Variants in MARCHF1 observed in about 807,000 individuals in gnomAD.
MARCHF1 encodes membrane associated ring-CH-type finger 1.
In MARCHF1, 40 loss-of-function variants were observed where a neutral mutation model predicts 54.2. The observed-to-expected ratio is 0.74, with a 90% CI of 0.57 to 0.96. The LOEUF (loss-of-function observed/expected upper bound fraction) is 0.96. Ranked by LOEUF, MARCHF1 falls within the 40% of genes least tolerant of loss-of-function variation. The probability of loss-of-function intolerance (pLI) is 0.00; values close to 1 mark genes in which losing one functional copy is unlikely to be tolerated. For missense variants in MARCHF1, 586 were observed against 656.5 expected (o/e 0.89, Z 1.17); for synonymous variants, 236 against 236.3 (o/e 1.00, Z 0.01).
At chr4:164,365,919 C>T (rs1174975666) in intron 1 of MARCHF1, among the ~76,000 whole-genome samples, 1 of 151,986 alleles carries the variant, frequency 6.6e-6, no homozygotes, top group Non-Finnish European at 1.5e-5. Flanking sequence ...CTCCTCCTAT[C>T]CTTCACTTCA....
At chr4:163,644,656 C>T (rs146588125) in intron 5 of MARCHF1, among the ~76,000 whole-genome samples, 2,448 of 152,246 alleles carry the variant, frequency 0.016, 78 homozygotes, top group African/African-American at 0.051. Context: ...CATGTTCCCA[C>T]AGGCAGGCCA....
chr4:163,977,467 C>T (rs1434521168), intron 3 of MARCHF1, among the ~76,000 whole-genome samples: 1 of 152,098 alleles, frequency 6.6e-6, no homozygotes, highest in East Asian at 1.9e-4. Context: ...TACATAAGCC[C>T]CTCAATGATA....
At chr4:163,978,918 G>T (rs1396261857) in intron 3 of MARCHF1, among the ~76,000 whole-genome samples, 1 of 151,522 alleles carries the variant, frequency 6.6e-6, no homozygotes, top group Non-Finnish European at 1.5e-5. Flanking sequence ...ATATAGACAG[G>T]GTATCATTAT....
In MARCHF1 at chr4:164,256,154, G is replaced by A. The variant is rs112874200; in HGVS notation, c.-323+127716C>T. 7.9e-3 allele frequency among the ~76,000 whole-genome samples: 1,205 copies of A among 151,682 alleles called. 19 individuals carry two copies. The highest frequency in any genetic ancestry group is 0.011 in the Non-Finnish European group (736 of 67,840). ...AAAAATAAAAATAAAAGAAAAATAC[G>A]TTTAAATTGTATCATAAAAGTCACT... On this transcript the variant is annotated intron_variant, in intron 1 of 9. Coordinates refer to ENST00000514618, the MANE Select transcript of MARCHF1 (RefSeq NM_001394959.1).
At chr4:164,008,019 A>G (rs1021660170) in intron 2 of MARCHF1, among the ~76,000 whole-genome samples, 1 of 152,140 alleles carries the variant, frequency 6.6e-6, no homozygotes, top group African/African-American at 2.4e-5. Flanking sequence ...TCAATTCTCC[A>G]ATTAAAAGGC....
chr4:163,948,831 A>G (rs1174245932), intron 3 of MARCHF1, among the ~76,000 whole-genome samples: 1 of 152,238 alleles, frequency 6.6e-6, no homozygotes, highest in Non-Finnish European at 1.5e-5. Flanking sequence ...TTAGCAATAA[A>G]GTGAATAAAA....
At chr4:164,370,995 A>T (rs1024880710) in intron 1 of MARCHF1, among the ~76,000 whole-genome samples, 31 of 152,148 alleles carry the variant, frequency 2.0e-4, no homozygotes, top group Non-Finnish European at 4.1e-4. Context: ...AATTTTAAAG[A>T]ATGAGAATGA....
chr4:163,619,407 T>C (rs1741608619), intron 5 of MARCHF1, among the ~76,000 whole-genome samples: 1 of 152,140 alleles, frequency 6.6e-6, no homozygotes, highest in Non-Finnish European at 1.5e-5. Flanking sequence ...GTAAAAATAA[T>C]TTGAAAGATC....
intron 1 of MARCHF1, among the ~76,000 whole-genome samples, chr4:164,279,267 A>G (rs943625330): frequency 5.3e-5 from 8 of 151,624 alleles, no homozygotes; most frequent in African/African-American, 1.7e-4. Flanking sequence ...TAAACAGATT[A>G]TATGGAGGAT....
At chr4:163,717,779 G>C (rs1369079840) in intron 4 of MARCHF1, among the ~76,000 whole-genome samples, 2 of 152,070 alleles carry the variant, frequency 1.3e-5, no homozygotes, top group Admixed American at 6.6e-5. Context: ...GTGTCTGTTG[G>C]CTGCATAAAT....
intron 2 of MARCHF1, among the ~76,000 whole-genome samples, chr4:164,037,993 G>A (rs1754045283): frequency 6.6e-6 from 1 of 152,152 alleles, no homozygotes; most frequent in African/African-American, 2.4e-5. Flanking sequence ...TGGTGGGAAA[G>A]AAATGGGTGT....
intron 2 of MARCHF1, among the ~76,000 whole-genome samples, chr4:164,066,577 T>C (rs1021341278): frequency 7.2e-5 from 11 of 152,216 alleles, no homozygotes; most frequent in Non-Finnish European, 5.9e-5. Flanking sequence ...TGCATGTTCA[T>C]TGAAGCACTA....
chr4:163,646,785 C>A lies in MARCHF1; in HGVS notation c.163-33392G>T, dbSNP rs549978402. 3.3e-5 allele frequency among the ~76,000 whole-genome samples: 5 copies of A among 151,828 alleles called. No individual in the cohort carries two copies. The East Asian group carries it at 9.7e-4, about 29-fold the overall frequency. The stretch of plus-strand genomic sequence containing the variant: ...GCAGATACACAAAAGATAAAGGGAC[C>A]AAAACATGCCGCTGCAAAAAATTAT... On this transcript the variant is annotated intron_variant, in intron 5 of 9. Coordinates refer to ENST00000514618, the MANE Select transcript of MARCHF1 (RefSeq NM_001394959.1).
Position 163,569,596 on chromosome 4 carries a change from C to T in MARCHF1, c.1191+16153G>A, listed in dbSNP as rs535950394. 1.3e-3 allele frequency among the ~76,000 whole-genome samples: 194 copies of T among 152,154 alleles called. 3 individuals carry two copies. The highest frequency in any genetic ancestry group is 4.5e-3 in the African/African-American group (185 of 41,492). ...CTAAGGGGGTACATACTCTTATTAT[C>T]CCCGTTTACGCAGGAGGAAATGGAG... On this transcript the variant is annotated intron_variant, in intron 8 of 9. Coordinates refer to ENST00000514618, the MANE Select transcript of MARCHF1 (RefSeq NM_001394959.1).
intron 1 of MARCHF1, among the ~76,000 whole-genome samples, chr4:164,175,310 G>A (rs918347499): frequency 6.6e-6 from 1 of 152,088 alleles, no homozygotes; most frequent in Non-Finnish European, 1.5e-5. Flanking sequence ...AGCCTTCAGG[G>A]TATAAATCTA....
chr4:164,073,176 G>A (rs1754905615), intron 2 of MARCHF1, among the ~76,000 whole-genome samples: 1 of 152,176 alleles, frequency 6.6e-6, no homozygotes, highest in South Asian at 2.1e-4. Flanking sequence ...TTGATGAACA[G>A]GCAGATGAGT....
intron 7 of MARCHF1, among the ~76,000 whole-genome samples, chr4:163,606,142 G>C (rs10005692): frequency 6.6e-6 from 1 of 152,104 alleles, no homozygotes; most frequent in African/African-American, 2.4e-5. Context: ...TCCAACCTAA[G>C]CTGGAGCTAG....
chr4:163,923,194 C>T (rs1220078120), intron 3 of MARCHF1, among the ~76,000 whole-genome samples: 1 of 152,148 alleles, frequency 6.6e-6, no homozygotes, highest in Non-Finnish European at 1.5e-5. Flanking sequence ...ATGGAACTCA[C>T]TTCTAACTGC....
chr4:164,205,354 A>G lies in MARCHF1; in HGVS notation c.-322-93692T>C, dbSNP rs182925848. ...TAGTATAGGCACTATTGACACTTGT[A>G]TTTGAAAAACTAAAATAAGGCTTAT... On this transcript the variant is annotated intron_variant, in intron 1 of 9. Transcript: ENST00000514618. Among the ~76,000 whole-genome samples, 18 of 152,262 alleles carry G rather than the reference A, an allele frequency of 1.2e-4. No individual in the cohort carries two copies. In the East Asian group the frequency reaches 3.5e-3, roughly 29 times the overall value.
Sources: allele counts gnomAD v4.1 joint callset (sites outside exome capture counted in the v4.1 genomes callset), GRCh38; gene constraint gnomAD v4.1.1; transcripts MANE v1.5; gene names NCBI Gene and HGNC (gene_info 2026-07-23, HGNC 2026-07-21).